NLGN1: variants seen among roughly 807,000 people sequenced by gnomAD.
NLGN1 encodes the protein neuroligin 1.
In NLGN1, 12 loss-of-function variants were observed where a neutral mutation model predicts 65.5. The ratio of observed to expected loss-of-function variants is 0.18; its 90% CI spans 0.12 to 0.30. The LOEUF is 0.30. Ranked by LOEUF, NLGN1 falls within the 10% of genes least tolerant of loss-of-function variation. The probability of loss-of-function intolerance (pLI) is 1.00; values close to 1 mark genes in which losing one functional copy is unlikely to be tolerated. For missense variants in NLGN1, 750 were observed against 1,007.1 expected, an observed-to-expected ratio of 0.74 and a Z score of 3.46; for synonymous variants, 350 against 359.5, an observed-to-expected ratio of 0.97 and a Z score of 0.30.
intron 2 of NLGN1, among the ~76,000 whole-genome samples, chr3:173,512,677 T>C (rs1260726493): frequency 2.6e-5 from 4 of 152,184 alleles, no homozygotes; most frequent in African/African-American, 4.8e-5. Context: ...AAGTTCTCAC[T>C]TTGGGCTGCG....
intron 4 of NLGN1, among the ~76,000 whole-genome samples, chr3:174,138,488 G>A (rs1317439303): frequency 1.4e-5 from 2 of 146,944 alleles, no homozygotes; most frequent in East Asian, 2.0e-4. Context: ...AGGCTGGAGT[G>A]TAGTGGCGCC....
chr3:174,283,134 A>T (rs568064474), exon 7 of NLGN1: 9 of 151,852 alleles, frequency 5.9e-5, no homozygotes, highest in African/African-American at 2.2e-4. Context: ...AAAAAAAGAA[A>T]AAAAAGAAAA....
intron 4 of NLGN1, among the ~76,000 whole-genome samples, chr3:173,921,483 A>G (rs1404795388): frequency 6.6e-6 from 1 of 151,646 alleles, no homozygotes; most frequent in African/African-American, 2.4e-5. Flanking sequence ...TTTAATTGTG[A>G]TCAAATCTCA....
chr3:174,021,410 A>G (rs111320050), intron 4 of NLGN1, among the ~76,000 whole-genome samples: 4,440 of 152,202 alleles, frequency 0.029, 184 homozygotes, highest in African/African-American at 0.089. Flanking sequence ...TTAGTTAAAA[A>G]TATCTTTTTG....
At chr3:173,824,806 T>C (rs185044408) in intron 4 of NLGN1, among the ~76,000 whole-genome samples, 1 of 152,210 alleles carries the variant, frequency 6.6e-6, no homozygotes, top group East Asian at 1.9e-4. Context: ...TATAGGAATA[T>C]GATTTAGTGA....
chr3:173,777,377 A>G (rs1480611037), intron 3 of NLGN1, among the ~76,000 whole-genome samples: 1 of 151,728 alleles, frequency 6.6e-6, no homozygotes, highest in South Asian at 2.1e-4. Flanking sequence ...TGTTTGTTTT[A>G]TCTTGTTTTT....
At chr3:173,657,405 T>G (rs1300176563) in intron 3 of NLGN1, among the ~76,000 whole-genome samples, 1 of 152,012 alleles carries the variant, frequency 6.6e-6, no homozygotes, top group Non-Finnish European at 1.5e-5. Flanking sequence ...GATTTGCTTC[T>G]TGTCTTTCTG....
chr3:174,170,163 T>C (rs1197865243), intron 4 of NLGN1, among the ~76,000 whole-genome samples: 1 of 152,042 alleles, frequency 6.6e-6, no homozygotes, highest in Admixed American at 6.5e-5. Context: ...CTTTATGTAC[T>C]ATCTTGCTGT....
intron 4 of NLGN1, among the ~76,000 whole-genome samples, chr3:174,048,341 G>T (rs545188884): frequency 5.9e-5 from 9 of 152,108 alleles, no homozygotes; most frequent in African/African-American, 1.9e-4. Context: ...CACAATGAGG[G>T]AATTAGACTG....
intron 4 of NLGN1, among the ~76,000 whole-genome samples, chr3:174,235,813 T>A (rs1741594384): frequency 6.6e-6 from 1 of 152,116 alleles, no homozygotes; most frequent in African/African-American, 2.4e-5. Flanking sequence ...CAGACCAAAT[T>A]CCCAGTAAGT....
chr3:173,887,352 C>T (rs1734541018), intron 4 of NLGN1, among the ~76,000 whole-genome samples: 1 of 151,870 alleles, frequency 6.6e-6, no homozygotes, highest in African/African-American at 2.4e-5. Flanking sequence ...ACTTCTTTCA[C>T]TTTTGTAGCT....
chr3:173,557,185 A>G (rs1291774608), intron 2 of NLGN1, among the ~76,000 whole-genome samples: 1 of 152,088 alleles, frequency 6.6e-6, no homozygotes, highest in African/African-American at 2.4e-5. Context: ...TTCCTGATGA[A>G]TGGACCTTTT....
chr3:174,078,044 T>C (rs2152544356), intron 4 of NLGN1, among the ~76,000 whole-genome samples: 1 of 152,284 alleles, frequency 6.6e-6, no homozygotes, highest in African/African-American at 2.4e-5. Flanking sequence ...TGCCACATAG[T>C]CTTTTGTCTA....
chr3:174,048,246 G>C (rs1734055851), intron 4 of NLGN1, among the ~76,000 whole-genome samples: 1 of 152,070 alleles, frequency 6.6e-6, no homozygotes, highest in African/African-American at 2.4e-5. Context: ...ATTTGATCTG[G>C]AGATAGTCGT....
intron 4 of NLGN1, chr3:174,136,390 G>A (rs1273252507): frequency 6.6e-6 from 1 of 152,054 alleles, no homozygotes; most frequent in African/African-American, 2.4e-5. Context: ...TTATTAAATT[G>A]GGACTTAGGT....
intron 2 of NLGN1, among the ~76,000 whole-genome samples, chr3:173,485,093 T>C (rs1268733378): frequency 3.1e-5 from 4 of 128,672 alleles, no homozygotes; most frequent in African/African-American, 1.2e-4. Context: ...GAGCAAGTCA[T>C]ACCTTACTTG....
At chr3:173,462,245 C>G (rs989070552) in intron 2 of NLGN1, among the ~76,000 whole-genome samples, 3 of 152,086 alleles carry the variant, frequency 2.0e-5, no homozygotes, top group Non-Finnish European at 4.4e-5. Context: ...TGATGTAAAG[C>G]TCCTAAAAGA....
intron 3 of NLGN1, among the ~76,000 whole-genome samples, chr3:173,676,180 C>A (rs150879780): frequency 6.6e-6 from 1 of 152,034 alleles, no homozygotes; most frequent in East Asian, 1.9e-4. Flanking sequence ...AAAGAAAATG[C>A]TTCATTGAGC....
At chr3:174,206,726 G>A (rs570192674) in intron 4 of NLGN1, among the ~76,000 whole-genome samples, 2 of 152,296 alleles carry the variant, frequency 1.3e-5, no homozygotes, top group East Asian at 3.9e-4. Context: ...CTGGTATTCT[G>A]AAGACCTGTG....
Sources: gnomAD v4.1 joint callset for allele counts (sites outside exome capture counted in the v4.1 genomes callset) on GRCh38, gnomAD v4.1.1 for gene constraint, MANE v1.5 for transcripts, NCBI Gene and HGNC (gene_info 2026-07-23, HGNC 2026-07-21) for gene names.